PPP1CB: variants seen among roughly 807,000 people sequenced by gnomAD.
The protein encoded by PPP1CB is protein phosphatase 1 catalytic subunit beta, also known as serine/threonine-protein phosphatase PP1-beta catalytic subunit.
PPP1CB carries 2 observed loss-of-function variants against 43.7 expected under a neutral mutation model. That is an observed-to-expected ratio of 0.05 (90% CI 0.02 to 0.14). The LOEUF is 0.14. Among genes scored for constraint, PPP1CB ranks in the 10% least tolerant of loss-of-function variants. The pLI, the probability that PPP1CB is intolerant of heterozygous loss-of-function variation, is 1.00. For synonymous variants in PPP1CB, 136 were observed against 135.6 expected, an observed-to-expected ratio of 1.00 and a Z score of -0.02; for missense variants, 84 against 398.0, an observed-to-expected ratio of 0.21 and a Z score of 6.71.
chr2:28,767,669 A>G (rs747399811), intron 1 of PPP1CB, among the ~76,000 whole-genome samples: 1 of 152,216 alleles, frequency 6.6e-6, no homozygotes, highest in African/African-American at 2.4e-5. Flanking sequence ...TGTAGCATGA[A>G]TGTGTCCAGT....
intron 1 of PPP1CB, among the ~76,000 whole-genome samples, chr2:28,774,466 C>T (rs950590617): frequency 6.6e-6 from 1 of 152,164 alleles, no homozygotes; most frequent in African/African-American, 2.4e-5. Context: ...GCTCTTGTCT[C>T]CCAGGCTGGA....
chr2:28,771,098 G>C (rs1411053864), intron 1 of PPP1CB, among the ~76,000 whole-genome samples: 1 of 122,238 alleles, frequency 8.2e-6, no homozygotes, highest in South Asian at 2.5e-4. Context: ...TTGTTGCCCA[G>C]GCTGCAGTGC....
At chr2:28,764,428 C>T (rs538692555) in intron 1 of PPP1CB, among the ~76,000 whole-genome samples, 3 of 146,982 alleles carry the variant, frequency 2.0e-5, no homozygotes, top group Admixed American at 6.9e-5. Flanking sequence ...CCACTGCACT[C>T]GAGCCTAGGC....
intron 1 of PPP1CB, among the ~76,000 whole-genome samples, chr2:28,758,067 G>T: frequency 6.7e-6 from 1 of 148,812 alleles, no homozygotes. Context: ...TTTTTTGGAG[G>T]CAGGGTCTGG....
rs202009735 is a variant in PPP1CB, at chr2:28,777,127, CTT to C, written c.184+146_184+147del. 1,011 of 820,572 alleles carry C rather than the reference CTT, an allele frequency of 1.2e-3. 10 individuals are homozygous for C. The African/African-American group carries it at 0.015, about 12-fold the overall frequency. 50.8% of individuals were successfully genotyped at this position (820,572 alleles called of 1,614,324 possible). ...AAATAAAAGTGTATAAAAATTGAAA[CTT>C]ATAAAAATGACAAGTTACAGACAAG... On this transcript the variant is annotated intron_variant, in intron 2 of 7. Coordinates refer to ENST00000395366, the MANE Select transcript of PPP1CB (RefSeq NM_002709.3).
intron 1 of PPP1CB, among the ~76,000 whole-genome samples, chr2:28,773,999 C>A (rs1374823320): frequency 2.0e-5 from 3 of 152,140 alleles, no homozygotes; most frequent in Non-Finnish European, 4.4e-5. Flanking sequence ...AAATGTGCAT[C>A]CTACAGTTAG....
At chr2:28,792,091 A>G (rs889788915) in intron 6 of PPP1CB, among the ~76,000 whole-genome samples, 13 of 152,194 alleles carry the variant, frequency 8.5e-5, no homozygotes, top group Non-Finnish European at 1.5e-4. Context: ...CTGAAGTCCC[A>G]GCATTTTGGG....
intron 2 of PPP1CB, 150 bp downstream of exon 2, chr2:28,777,132 A>T (rs1189378298): frequency 2.7e-6 from 2 of 751,148 alleles, no homozygotes; most frequent in Non-Finnish European, 4.1e-6. Context: ...TGAAACTTAT[A>T]AAAATGACAA....
chr2:28,755,079 G>C (rs190958624), intron 1 of PPP1CB, among the ~76,000 whole-genome samples: 1 of 151,652 alleles, frequency 6.6e-6, no homozygotes, highest in African/African-American at 2.4e-5. Context: ...ACGGAGTTTT[G>C]CGCTTGTCAC....
At chr2:28,756,155 G>A (rs912253210) in intron 1 of PPP1CB, among the ~76,000 whole-genome samples, 3 of 152,060 alleles carry the variant, frequency 2.0e-5, no homozygotes, top group Admixed American at 1.3e-4. Context: ...CAAAAATACC[G>A]AAAAGCGATT....
intron 4 of PPP1CB, among the ~76,000 whole-genome samples, chr2:28,783,652 G>A (rs553116535): frequency 5.6e-4 from 85 of 152,010 alleles, no homozygotes; most frequent in Admixed American, 2.0e-3. Flanking sequence ...AGCTACTCGG[G>A]AGACTGAGGC....
rs1667642979 is a variant in PPP1CB, at chr2:28,802,491, A to G, written c.*3188A>G. ...TGATTGTACTAGTGGCATCACTTAGAAGTAGGCTTTCCCTCTTCCTAGTAG... is the reference window on the plus strand; with the variant it reads ...TGATTGTACTAGTGGCATCACTTAGGAGTAGGCTTTCCCTCTTCCTAGTAG... On this transcript the variant is annotated 3_prime_UTR_variant, in exon 8 of 8. Coordinates refer to ENST00000395366, the MANE Select transcript of PPP1CB (RefSeq NM_002709.3). The G allele has an allele frequency of 6.6e-6, 1 of 152,200 alleles. No homozygotes were observed. Among genetic ancestry groups the G allele is most frequent in the Admixed American group, 6.5e-5 (1 of 15,272 alleles). 9.4% of individuals were successfully genotyped at this position (152,200 alleles called of 1,614,324 possible).
intron 7 of PPP1CB, among the ~76,000 whole-genome samples, chr2:28,795,009 G>A (rs982116779): frequency 1.6e-4 from 25 of 152,082 alleles, no homozygotes; most frequent in Admixed American, 1.4e-3. Context: ...TTCCACTCTA[G>A]TAGTCCCCAG....
chr2:28,754,985 C>G (rs1253818113), intron 1 of PPP1CB, among the ~76,000 whole-genome samples: 1 of 152,112 alleles, frequency 6.6e-6, no homozygotes, highest in Non-Finnish European at 1.5e-5. Flanking sequence ...CTTCTGGTGA[C>G]TACATTTTAT....
Position 28,801,881 on chromosome 2 carries a change from G to C in PPP1CB, c.*2578G>C, listed in dbSNP as rs571273360. The C allele has an allele frequency of 6.6e-6, 1 of 152,234 alleles. No individual in the cohort carries two copies. Among genetic ancestry groups the C allele is most frequent in the East Asian group, 1.9e-4 (1 of 5,184 alleles). 9.4% of individuals were successfully genotyped at this position (152,234 alleles called of 1,614,324 possible). A position where few individuals can be genotyped will look rare whatever the true frequency, so the allele number is the denominator to read the frequency against. ...CTACAGTGAATCCTTTGCATTTGAAGCCTTAACATGCATTGCTTTAATTTT... is the reference window on the plus strand; with the variant it reads ...CTACAGTGAATCCTTTGCATTTGAACCCTTAACATGCATTGCTTTAATTTT... On this transcript the variant is annotated 3_prime_UTR_variant, in exon 8 of 8. Transcript: ENST00000395366.
At chr2:28,753,394 TGTGA>T (rs1222228404) in intron 1 of PPP1CB, among the ~76,000 whole-genome samples, 1 of 152,248 alleles carries the variant, frequency 6.6e-6, no homozygotes, top group Non-Finnish European at 1.5e-5. Context: ...ACCCAAGTTC[TGTGA>T]GTACCTGTTC....
chr2:28,793,840 TC>T, intron 6 of PPP1CB, 22 bp from the exon 7 acceptor site: 1 of 1,613,274 alleles, frequency 6.2e-7, no homozygotes, highest in Non-Finnish European at 8.5e-7. Flanking sequence ...AAATGTTTTT[TC>T]TTCTGACATT....
chr2:28,767,413 A>T (rs1666803224), intron 1 of PPP1CB, among the ~76,000 whole-genome samples: 1 of 152,214 alleles, frequency 6.6e-6, no homozygotes, highest in African/African-American at 2.4e-5. Context: ...CACCCAATTA[A>T]ATAACATAAT....
chr2:28,762,769 G>A (rs963446692), intron 1 of PPP1CB, among the ~76,000 whole-genome samples: 2 of 152,160 alleles, frequency 1.3e-5, no homozygotes, highest in Non-Finnish European at 2.9e-5. Context: ...TGATTCAGCT[G>A]AGTTATGCAG....
Sources: allele counts gnomAD v4.1 joint callset (sites outside exome capture counted in the v4.1 genomes callset), GRCh38; gene constraint gnomAD v4.1.1; transcripts MANE v1.5; gene names NCBI Gene and HGNC (gene_info 2026-07-23, HGNC 2026-07-21).